CALN1: variants seen among roughly 807,000 people sequenced by gnomAD.
The protein encoded by CALN1 is calneuron 1.
Under a neutral mutation model 30.6 loss-of-function variants are expected in CALN1, and 17 were observed. That is an observed-to-expected ratio of 0.56 (90% confidence interval 0.38 to 0.83). The LOEUF is 0.83. Ranked by LOEUF, CALN1 falls within the 40% of genes least tolerant of loss-of-function variation. The pLI is 0.00. For synonymous variants in CALN1, 156 were observed against 131.4 expected (o/e 1.19, Z -1.28); for missense variants, 291 against 354.9 (o/e 0.82, Z 1.45).
At chr7:72,055,319 CA>C (rs1460272282) in intron 4 of CALN1, among the ~76,000 whole-genome samples, 2 of 152,030 alleles carry the variant, frequency 1.3e-5, no homozygotes, top group Non-Finnish European at 2.9e-5. Flanking sequence ...TAAAGATTAA[CA>C]GAGGCTGATT....
intron 6 of CALN1, among the ~76,000 whole-genome samples, chr7:71,790,949 C>T (rs1001334198): frequency 5.9e-5 from 9 of 152,056 alleles, no homozygotes; most frequent in South Asian, 2.1e-4. Flanking sequence ...AAGAAGACTG[C>T]GTAGCAAAAG....
chr7:72,373,176 A>G (rs1177830284), intron 2 of CALN1, among the ~76,000 whole-genome samples: 1 of 152,212 alleles, frequency 6.6e-6, no homozygotes, highest in Non-Finnish European at 1.5e-5. Flanking sequence ...GAATGTGAAC[A>G]TAGACCTATA....
intron 3 of CALN1, among the ~76,000 whole-genome samples, chr7:72,114,265 A>G (rs865982274): frequency 0.023 from 1,487 of 64,540 alleles, 61 homozygotes; most frequent in East Asian, 0.065. Context: ...AAGGGAAGGG[A>G]AGGGAAGGGA....
intron 2 of CALN1, among the ~76,000 whole-genome samples, chr7:72,336,398 C>T (rs961007104): frequency 1.3e-5 from 2 of 152,088 alleles, no homozygotes; most frequent in African/African-American, 2.4e-5. Flanking sequence ...GCCTCCAGCC[C>T]GCACGGTGCC....
At chr7:71,915,481 C>G (rs951715047) in intron 5 of CALN1, among the ~76,000 whole-genome samples, 1 of 152,212 alleles carries the variant, frequency 6.6e-6, no homozygotes, top group South Asian at 2.1e-4. Context: ...TGCCTGTAAT[C>G]CCAGCACTTT....
intron 4 of CALN1, among the ~76,000 whole-genome samples, chr7:72,047,601 T>C (rs780206091): frequency 2.6e-5 from 4 of 151,758 alleles, no homozygotes; most frequent in Admixed American, 6.6e-5. Flanking sequence ...TAAGATAAAA[T>C]AGAAAAGAAA....
Position 71,847,763 on chromosome 7 carries a change from G to GAAAGAAGA in CALN1, c.502-37272_502-37271insTCTTCTTT, listed in dbSNP as rs1391472959. Among the ~76,000 whole-genome samples the GAAAGAAGA allele has an allele frequency of 3.2e-5, 4 of 123,398 alleles. No homozygotes were observed. The East Asian group carries it at 1.1e-3, about 34-fold the overall frequency. 81.0% of individuals were successfully genotyped at this position (123,398 alleles called of 152,430 possible). A position where few individuals can be genotyped will look rare whatever the true frequency, so the allele number is the denominator to read the frequency against. On this transcript the variant is annotated intron_variant, in intron 5 of 6. Transcript: ENST00000395275. ...AGAAAGAAGAAGAAAGAAGAAAGAA[G>GAAAGAAGA]AAGAAGAAGAAAGAAGAAGAAGAAG...
intron 3 of CALN1, among the ~76,000 whole-genome samples, chr7:72,254,721 A>G (rs1303337800): frequency 6.6e-6 from 1 of 152,076 alleles, no homozygotes; most frequent in Non-Finnish European, 1.5e-5. Context: ...TGAAGCCATT[A>G]GCACTTACCT....
intron 1 of CALN1, among the ~76,000 whole-genome samples, chr7:72,425,116 G>A (rs892931341): frequency 1.3e-5 from 2 of 152,054 alleles, no homozygotes; most frequent in South Asian, 2.1e-4. Context: ...TTGCAGGGCT[G>A]GGGGGTTGTT....
intron 3 of CALN1, among the ~76,000 whole-genome samples, chr7:72,198,414 C>T (rs1438823756): frequency 3.9e-5 from 6 of 152,168 alleles, no homozygotes; most frequent in African/African-American, 1.2e-4. Context: ...TAGATAAAAA[C>T]ATCACTGTTA....
intron 5 of CALN1, among the ~76,000 whole-genome samples, chr7:71,844,537 T>TGTTA (rs1185280253): frequency 1.4e-4 from 21 of 152,232 alleles, no homozygotes; most frequent in African/African-American, 4.6e-4. Flanking sequence ...AATATCTTCT[T>TGTTA]GTTATCACTT....
intron 6 of CALN1, among the ~76,000 whole-genome samples, chr7:71,806,845 C>T (rs553751130): frequency 6.6e-6 from 1 of 152,280 alleles, no homozygotes; most frequent in African/African-American, 2.4e-5. Context: ...CCTAGCTCAA[C>T]ACTCCTCAGG....
chr7:72,086,106 T>C (rs1400669691), intron 4 of CALN1, among the ~76,000 whole-genome samples: 1 of 152,234 alleles, frequency 6.6e-6, no homozygotes, highest in Non-Finnish European at 1.5e-5. Context: ...TATACATTTA[T>C]GTTAATACAT....
chr7:72,308,820 G>T (rs1381962313), intron 2 of CALN1, among the ~76,000 whole-genome samples: 1 of 152,172 alleles, frequency 6.6e-6, no homozygotes, highest in African/African-American at 2.4e-5. Flanking sequence ...GAACTTTCAT[G>T]GAGTGATAAT....
intron 5 of CALN1, among the ~76,000 whole-genome samples, chr7:71,842,426 C>G (rs1361869474): frequency 2.0e-5 from 3 of 152,180 alleles, no homozygotes; most frequent in Non-Finnish European, 4.4e-5. Flanking sequence ...CCATTCTCAC[C>G]TAAGATCAAG....
At chr7:72,462,377 A>G in the CALN1 span, among the ~76,000 whole-genome samples, 1 of 152,050 alleles carries the variant, frequency 6.6e-6, no homozygotes, top group Non-Finnish European at 1.5e-5. Flanking sequence ...TAAAGCCAGC[A>G]TCTCACCATG....
At chr7:72,368,145 A>C in intron 2 of CALN1, among the ~76,000 whole-genome samples, 1 of 151,030 alleles carries the variant, frequency 6.6e-6, no homozygotes, top group East Asian at 1.9e-4. Context: ...CTGTATCTAT[A>C]TCTATGTGTG....
At chr7:72,503,973 AG>A in the CALN1 span, among the ~76,000 whole-genome samples, 1 of 152,146 alleles carries the variant, frequency 6.6e-6, no homozygotes, top group African/African-American at 2.4e-5. Flanking sequence ...CAAGAGCTGT[AG>A]CAACAAATCA....
intron 2 of CALN1, among the ~76,000 whole-genome samples, chr7:72,319,287 G>A (rs1480241125): frequency 2.0e-5 from 3 of 152,180 alleles, no homozygotes; most frequent in African/African-American, 4.8e-5. Context: ...CACATGGCTG[G>A]GGAGGCCTCA....
Sources: allele counts gnomAD v4.1 joint callset (sites outside exome capture counted in the v4.1 genomes callset), GRCh38; gene constraint gnomAD v4.1.1; transcripts MANE v1.5; gene names NCBI Gene and HGNC (gene_info 2026-07-23, HGNC 2026-07-21).